Variants in PARG observed in about 807,000 individuals in gnomAD.
PARG encodes poly(ADP-ribose) glycohydrolase.
A neutral mutation model predicts 113.0 loss-of-function variants in PARG; 35 were observed. The observed-to-expected ratio is 0.31, with a 90% CI of 0.24 to 0.41. The LOEUF is 0.41. Ranked by LOEUF, PARG falls within the 10% of genes least tolerant of loss-of-function variation. The pLI is 1.00. For synonymous variants in PARG, 330 were observed against 409.9 expected, an observed-to-expected ratio of 0.81 and a Z score of 2.36; for missense variants, 797 against 1,169.4, an observed-to-expected ratio of 0.68 and a Z score of 4.64.
chr10:49,933,059 G>C (rs1838568243), intron 3 of PARG, 118 bp downstream of exon 3: 1 of 759,508 alleles, frequency 1.3e-6, no homozygotes, highest in African/African-American at 1.8e-5. Flanking sequence ...AGCATAAGTA[G>C]TTAACAAGAA....
chr10:49,920,557 T>C (rs1389989807), intron 6 of PARG, among the ~76,000 whole-genome samples: 1 of 143,688 alleles, frequency 7.0e-6, no homozygotes, highest in Non-Finnish European at 1.5e-5. Flanking sequence ...TATATACATA[T>C]ATACGTATAT....
chr10:49,926,286 G>T (rs1838159946), intron 4 of PARG, among the ~76,000 whole-genome samples: 1 of 151,750 alleles, frequency 6.6e-6, no homozygotes, highest in Admixed American at 6.5e-5. Flanking sequence ...TATTTGAAGA[G>T]AAACCTCATC....
At chr10:49,841,917 C>G in intron 15 of PARG, 33 bp downstream of exon 15, 2 of 1,335,534 alleles carry the variant, frequency 1.5e-6, no homozygotes, top group African/African-American at 2.9e-5. Context: ...TAGATGACAG[C>G]TGCCAGATGA....
At chr10:49,908,168 A>T (rs1347840987) in intron 7 of PARG, among the ~76,000 whole-genome samples, 1 of 152,216 alleles carries the variant, frequency 6.6e-6, no homozygotes, top group African/African-American at 2.4e-5. Context: ...CTGATATTCC[A>T]TGGTAACTCA....
chr10:49,923,608 G>C (rs1274451132), intron 4 of PARG, among the ~76,000 whole-genome samples: 2 of 152,070 alleles, frequency 1.3e-5, no homozygotes, highest in African/African-American at 4.8e-5. Context: ...GTGATGCACA[G>C]GGAGTTGTGA....
intron 6 of PARG, among the ~76,000 whole-genome samples, chr10:49,920,372 G>A (rs188221559): frequency 2.3e-3 from 337 of 148,676 alleles, no homozygotes; most frequent in East Asian, 0.018. Context: ...GCTTGAGTCT[G>A]GGAAGCAGAG....
At chr10:49,830,032 T>G (rs115042192) in intron 16 of PARG, among the ~76,000 whole-genome samples, 2,191 of 152,302 alleles carry the variant, frequency 0.014, 48 homozygotes, top group African/African-American at 0.048. Flanking sequence ...AAATGTCAGT[T>G]ACTCCAAAAT....
At chr10:49,865,889 A>T (rs1846490419) in intron 10 of PARG, among the ~76,000 whole-genome samples, 1 of 151,530 alleles carries the variant, frequency 6.6e-6, no homozygotes, top group African/African-American at 2.4e-5. Context: ...CCACAGATTT[A>T]AAAAGGAAAT....
At chr10:49,916,447 AAAAT>A (rs1267420599) in intron 6 of PARG, among the ~76,000 whole-genome samples, 2 of 152,176 alleles carry the variant, frequency 1.3e-5, no homozygotes, top group Admixed American at 6.5e-5. Flanking sequence ...TAAAAAATAA[AAAAT>A]AAAAATTTCA....
intron 13 of PARG, among the ~76,000 whole-genome samples, chr10:49,856,308 T>G (rs1411540916): frequency 6.6e-6 from 1 of 151,138 alleles, no homozygotes; most frequent in Non-Finnish European, 1.5e-5. Flanking sequence ...GCCTCCTGAG[T>G]AGCTGGGATT....
intron 7 of PARG, chr10:49,909,926 T>C (rs116318119): frequency 0.062 from 9,829 of 158,634 alleles, 419 homozygotes; most frequent in African/African-American, 0.098. Flanking sequence ...TGTGTGACGC[T>C]GTACCCCTCA....
At chr10:49,842,627 T>C (rs1845299566) in intron 14 of PARG, among the ~76,000 whole-genome samples, 1 of 152,222 alleles carries the variant, frequency 6.6e-6, no homozygotes, top group Non-Finnish European at 1.5e-5. Flanking sequence ...GACAATACCA[T>C]GTTGCCTGTG....
intron 13 of PARG, among the ~76,000 whole-genome samples, chr10:49,849,978 A>C (rs1845685555): frequency 6.6e-6 from 1 of 152,184 alleles, no homozygotes; most frequent in East Asian, 1.9e-4. Context: ...TGATTGTGCC[A>C]CTGTACCCTA....
At chr10:49,839,659 C>T (rs1262341425) in intron 15 of PARG, among the ~76,000 whole-genome samples, 9 of 152,146 alleles carry the variant, frequency 5.9e-5, no homozygotes, top group Non-Finnish European at 4.4e-5. Flanking sequence ...ATCAACTGGA[C>T]CTGGCAATTT....
At chr10:49,920,595 C>A (rs1365356025) in intron 6 of PARG, among the ~76,000 whole-genome samples, 1 of 133,152 alleles carries the variant, frequency 7.5e-6, no homozygotes, top group Non-Finnish European at 1.6e-5. Flanking sequence ...CACATATATA[C>A]ATATATACGT....
intron 6 of PARG, among the ~76,000 whole-genome samples, chr10:49,920,433 C>A (rs1351932484): frequency 9.2e-6 from 1 of 108,950 alleles, no homozygotes; most frequent in Non-Finnish European, 1.9e-5. Flanking sequence ...GGTGATGGAG[C>A]AAGACCCAGC....
intron 4 of PARG, among the ~76,000 whole-genome samples, chr10:49,925,017 G>A (rs1298140672): frequency 6.6e-6 from 1 of 152,112 alleles, no homozygotes; most frequent in Non-Finnish European, 1.5e-5. Flanking sequence ...CTCATAAGAC[G>A]AAGAACCCTA....
At chr10:49,937,550 T>C (rs1244049383) in intron 1 of PARG, among the ~76,000 whole-genome samples, 1 of 152,048 alleles carries the variant, frequency 6.6e-6, no homozygotes, top group Non-Finnish European at 1.5e-5. Context: ...GGTTTAGAAG[T>C]TAAAACATCT....
At chr10:49,924,780 G>C (rs547078830) in intron 4 of PARG, among the ~76,000 whole-genome samples, 2 of 151,868 alleles carry the variant, frequency 1.3e-5, no homozygotes, top group African/African-American at 4.8e-5. Context: ...TGAAAGAAAC[G>C]GAAGTATTTT....
Sources: allele counts gnomAD v4.1 joint callset (sites outside exome capture counted in the v4.1 genomes callset), GRCh38; gene constraint gnomAD v4.1.1; transcripts MANE v1.5; gene names NCBI Gene and HGNC (gene_info 2026-07-23, HGNC 2026-07-21).